The following IL1RL2 variants were observed in gnomAD, a reference collection of about 807,000 sequenced individuals.
IL1RL2 encodes interleukin-1 receptor-like 2.
A neutral mutation model predicts 66.8 loss-of-function variants in IL1RL2; 68 were observed. The observed-to-expected ratio is 1.02, with a 90% CI of 0.84 to 1.25. The LOEUF is 1.25. IL1RL2 is among the 50% of genes most tolerant of loss of function. The pLI is 0.00. For missense variants in IL1RL2, 729 were observed against 709.3 expected (o/e 1.03, Z -0.32); for synonymous variants, 305 against 264.6 (o/e 1.15, Z -1.48).
At position 102,218,954 on chromosome 2, in the gene IL1RL2, T is replaced by C. The variant is rs1486887753; in HGVS notation, c.726T>C (p.Gly242=). 6.2e-7 allele frequency: 1 copy of C among 1,611,188 alleles called. No homozygotes were observed. The highest frequency in any genetic ancestry group is 1.7e-5 in the Admixed American group (1 of 59,470). ...PKNHSIEVQL[G]TTLIVDCNVT... Reference sequence around the variant, plus strand: ...ATTGATGATATTGGTTTTTTTTAGGTACCACTCTGATTGTGGACTGCAATG... The same window carrying C: ...ATTGATGATATTGGTTTTTTTTAGGCACCACTCTGATTGTGGACTGCAATG... The change falls in exon 7 of 12, where the codon GGT becomes GGC. Residue 242 remains glycine, a splice_region_variant and synonymous_variant. Transcript: ENST00000264257.
intron 10 of IL1RL2, 128 bp downstream of exon 10, chr2:102,233,252 C>T (rs1009953316): frequency 1.2e-5 from 11 of 897,328 alleles, no homozygotes; most frequent in East Asian, 2.7e-5. Flanking sequence ...CTATGACCAG[C>T]GCCCCCTGCC....
intron 8 of IL1RL2, among the ~76,000 whole-genome samples, chr2:102,225,665 T>C (rs537698691): frequency 2.0e-4 from 30 of 152,260 alleles, no homozygotes; most frequent in African/African-American, 7.0e-4. Context: ...CTTTTACTCG[T>C]ATAAGTTCCC....
intron 5 of IL1RL2, among the ~76,000 whole-genome samples, chr2:102,202,814 A>G (rs1038272800): frequency 1.3e-5 from 2 of 152,246 alleles, no homozygotes; most frequent in East Asian, 1.9e-4. Flanking sequence ...ATAAGATCAT[A>G]TCATTTGCCA....
At chr2:102,228,079 G>A (rs1690791304) in intron 9 of IL1RL2, among the ~76,000 whole-genome samples, 1 of 152,168 alleles carries the variant, frequency 6.6e-6, no homozygotes, top group Non-Finnish European at 1.5e-5. Context: ...GGCGATGGAG[G>A]CTAACAGGCA....
rs1053844438 is a variant in IL1RL2, at chr2:102,212,470, T to C, written c.724+296T>C. ...AAAATGCAAATAATTCTTCAGACAA[T>C]ACATAATATAATATAAAACTACTAT... On this transcript the variant is annotated intron_variant, in intron 6 of 11. Coordinates refer to ENST00000264257, the MANE Select transcript of IL1RL2 (RefSeq NM_003854.4). Among the ~76,000 whole-genome samples the C allele has an allele frequency of 5.9e-5, 9 of 152,164 alleles. No homozygotes were observed. The East Asian group carries it at 1.7e-3, about 29-fold the overall frequency.
chr2:102,235,357 G>A, intron 11 of IL1RL2, 80 bp downstream of exon 11: 3 of 1,545,772 alleles, frequency 1.9e-6, no homozygotes, highest in South Asian at 1.2e-5. Context: ...AGCTGGAGGA[G>A]GACACGTTTC....
At chr2:102,206,706 C>T (rs1250727093) in intron 5 of IL1RL2, among the ~76,000 whole-genome samples, 3 of 152,142 alleles carry the variant, frequency 2.0e-5, no homozygotes, top group Non-Finnish European at 4.4e-5. Flanking sequence ...TGGGTCTTGC[C>T]CAAGGCCTGC....
chr2:102,220,808 G>A (rs1190824806), intron 8 of IL1RL2, among the ~76,000 whole-genome samples: 1 of 152,154 alleles, frequency 6.6e-6, no homozygotes, highest in Non-Finnish European at 1.5e-5. Context: ...TCAAGCTAAA[G>A]CCCCACCAAA....
intron 5 of IL1RL2, 61 bp downstream of exon 5, chr2:102,201,776 C>G: frequency 3.2e-6 from 5 of 1,539,018 alleles, no homozygotes; most frequent in Non-Finnish European, 4.4e-6. Context: ...GAACTGGCTT[C>G]TGGCTTTGGG....
chr2:102,237,853 A>G (rs946353565), intron 11 of IL1RL2, among the ~76,000 whole-genome samples: 3 of 152,154 alleles, frequency 2.0e-5, no homozygotes, highest in African/African-American at 7.2e-5. Context: ...AAGGTAGTTT[A>G]TGGGAACGCT....
intron 3 of IL1RL2, among the ~76,000 whole-genome samples, chr2:102,190,452 G>A (rs767138002): frequency 2.0e-5 from 3 of 152,196 alleles, no homozygotes; most frequent in Admixed American, 6.5e-5. Flanking sequence ...GAGATCAGGT[G>A]TGAAGTAGGT....
intron 11 of IL1RL2, among the ~76,000 whole-genome samples, chr2:102,238,291 C>T (rs1003913929): frequency 6.6e-6 from 1 of 152,142 alleles, no homozygotes; most frequent in Non-Finnish European, 1.5e-5. Flanking sequence ...CCCTCAAATA[C>T]CCTGAGTCGG....
intron 9 of IL1RL2, among the ~76,000 whole-genome samples, chr2:102,226,608 G>C (rs950867136): frequency 6.6e-6 from 1 of 151,908 alleles, no homozygotes; most frequent in Non-Finnish European, 1.5e-5. Flanking sequence ...CTATTTCTCA[G>C]CTATAGAAAG....
At chr2:102,230,612 AG>A (rs1691038610) in intron 9 of IL1RL2, among the ~76,000 whole-genome samples, 1 of 152,358 alleles carries the variant, frequency 6.6e-6, no homozygotes, top group South Asian at 2.1e-4. Flanking sequence ...GGCTGAGGGC[AG>A]GGCAGGGAGC....
chr2:102,187,081 A>C lies in IL1RL2; in HGVS notation c.-18A>C, dbSNP rs1289772194. 3 of 1,289,842 alleles carry C rather than the reference A, an allele frequency of 2.3e-6. No individual in the cohort carries two copies. The East Asian group carries it at 1.7e-4, about 72-fold the overall frequency. The allele number at this position is 1,289,842 out of a possible 1,614,324, so 79.9% of individuals were successfully genotyped here. ...GAGGTCCTGCGCGCTTCAATCCTGC[A>C]GGCAGGTAGACACCGGGCCGGGAGT... On this transcript the variant is annotated 5_prime_UTR_variant, in exon 1 of 12. Transcript: ENST00000264257.
chr2:102,189,254 G>C lies in IL1RL2; in HGVS notation c.237G>C (p.Trp79Cys). The C allele has an allele frequency of 6.2e-7, 1 of 1,613,922 alleles. No homozygotes were observed. Among genetic ancestry groups the C allele is most frequent in the Non-Finnish European group, 8.5e-7 (1 of 1,179,978 alleles). The change falls in exon 3 of 12, where the codon TGG becomes TGC. Residue 79 changes from tryptophan (W) to cysteine (C), a missense_variant. Transcript: ENST00000264257. ...IQSRIHQDET[W>C]ILFLPMEWGD... ...CTAGAATTCACCAGGACGAGACTTG[G>C]ATTTTGTTTCTCCCCATGGAATGGG...
At chr2:102,190,699 C>T (rs1687151671) in intron 3 of IL1RL2, among the ~76,000 whole-genome samples, 1 of 152,230 alleles carries the variant, frequency 6.6e-6, no homozygotes. Flanking sequence ...GTCTGCTGTC[C>T]TATTTTAGCC....
Position 102,239,306 on chromosome 2 carries a change from A to G in IL1RL2, c.*65A>G. On this transcript the variant is annotated 3_prime_UTR_variant, in exon 12 of 12. Coordinates refer to ENST00000264257, the MANE Select transcript of IL1RL2 (RefSeq NM_003854.4). Reference sequence around the variant, plus strand: ...TTTTGCTCCATGTCTCCTCATTCCTACACCTATTTTCTGCTGCAGGATGAG... The same window carrying G: ...TTTTGCTCCATGTCTCCTCATTCCTGCACCTATTTTCTGCTGCAGGATGAG... The G allele has an allele frequency of 6.9e-7, 1 of 1,453,992 alleles. No homozygotes were observed. The highest frequency in any genetic ancestry group is 9.7e-7 in the Non-Finnish European group (1 of 1,034,316). 90.1% of individuals were successfully genotyped at this position (1,453,992 alleles called of 1,614,324 possible). A position where few individuals can be genotyped will look rare whatever the true frequency, so the allele number is the denominator to read the frequency against.
chr2:102,219,124 G>T (rs1437792625), intron 7 of IL1RL2, 42 bp downstream of exon 7: 4 of 1,610,368 alleles, frequency 2.5e-6, no homozygotes, highest in South Asian at 1.1e-5. Flanking sequence ...CGCTAGCAAG[G>T]ATTTCTCCAT....
Sources: gnomAD v4.1 joint callset for allele counts (sites outside exome capture counted in the v4.1 genomes callset) on GRCh38, gnomAD v4.1.1 for gene constraint, MANE v1.5 for transcripts, NCBI Gene and HGNC (gene_info 2026-07-23, HGNC 2026-07-21) for gene names.